The following MSRA variants were observed in gnomAD, a reference collection of about 807,000 sequenced individuals.
MSRA encodes mitochondrial peptide methionine sulfoxide reductase.
In MSRA, 54 loss-of-function variants were observed where a neutral mutation model predicts 31.3. That is an observed-to-expected ratio of 1.73 (90% CI 1.39 to 2.17). The LOEUF (loss-of-function observed/expected upper bound fraction) is 2.17. Among genes scored for constraint, MSRA ranks in the 30% most tolerant of loss-of-function variants. The probability of loss-of-function intolerance (pLI) is 0.00; values close to 1 mark genes in which losing one functional copy is unlikely to be tolerated. For missense variants in MSRA, 507 were observed against 300.9 expected (o/e 1.69, Z -5.07); for synonymous variants, 169 against 116.5 (o/e 1.45, Z -2.90).
intron 1 of MSRA, among the ~76,000 whole-genome samples, chr8:10,125,585 GC>G (rs1801442137): frequency 6.6e-6 from 1 of 152,192 alleles, no homozygotes; most frequent in Non-Finnish European, 1.5e-5. Flanking sequence ...CCTGAACCGG[GC>G]TAAGGAGCTT....
Position 10,307,554 on chromosome 8 carries a change from A to G in MSRA, c.436+5916A>G, listed in dbSNP as rs116358468. 6.3e-3 allele frequency among the ~76,000 whole-genome samples: 963 copies of G among 152,276 alleles called. 9 individuals are homozygous for G. The highest frequency in any genetic ancestry group is 0.021 in the African/African-American group (869 of 41,558). ...CAAATATATTAAAATGCTACCATGG[A>G]TTTAATTATACTTTAAATTGCATGC... On this transcript the variant is annotated intron_variant, in intron 4 of 5. Coordinates refer to ENST00000317173, the MANE Select transcript of MSRA (RefSeq NM_012331.5).
chr8:10,214,551 C>T (rs1456968200), intron 2 of MSRA, among the ~76,000 whole-genome samples: 3 of 143,414 alleles, frequency 2.1e-5, no homozygotes, highest in African/African-American at 5.0e-5. Context: ...CGTATTTCTC[C>T]CTGAATCTTG....
intron 5 of MSRA, among the ~76,000 whole-genome samples, chr8:10,403,272 T>C (rs1329077543): frequency 2.0e-5 from 3 of 152,118 alleles, no homozygotes; most frequent in African/African-American, 7.2e-5. Context: ...AGAAGCAAGG[T>C]GCCTCCCTGA....
chr8:10,401,633 A>G (rs538426413), intron 5 of MSRA, among the ~76,000 whole-genome samples: 1 of 152,232 alleles, frequency 6.6e-6, no homozygotes, highest in South Asian at 2.1e-4. Flanking sequence ...ATTATTTACA[A>G]TAGCCAAAAA....
At chr8:10,323,745 CGTGTGTGTGTGTGTGT>C (rs10643873) in intron 5 of MSRA, among the ~76,000 whole-genome samples, 1 of 142,622 alleles carries the variant, frequency 7.0e-6, no homozygotes, top group African/African-American at 2.6e-5. Context: ...GAATTAAATA[CGTGTGTGTGTGTGTGT>C]GTGTGTGTGT....
chr8:10,428,006 C>T (rs951321148), intron 5 of MSRA, 142 bp from the exon 6 acceptor site: 12 of 781,446 alleles, frequency 1.5e-5, no homozygotes, highest in Admixed American at 3.3e-5. Context: ...ACTTGGAATG[C>T]GGAGAGCCCG....
chr8:10,210,483 C>T (rs867232080), intron 2 of MSRA, among the ~76,000 whole-genome samples: 10 of 152,162 alleles, frequency 6.6e-5, no homozygotes, highest in South Asian at 6.2e-4. Flanking sequence ...CATGCCTTCC[C>T]GGAGTGCTCT....
intron 3 of MSRA, among the ~76,000 whole-genome samples, chr8:10,296,142 A>C (rs1455734618): frequency 6.6e-6 from 1 of 152,194 alleles, no homozygotes; most frequent in Non-Finnish European, 1.5e-5. Flanking sequence ...AGTCTCCAGC[A>C]GAGGAAGCTC....
intron 5 of MSRA, 111 bp downstream of exon 5, chr8:10,320,100 A>G: frequency 1.5e-6 from 1 of 647,668 alleles, no homozygotes; most frequent in South Asian, 2.4e-5. Flanking sequence ...TTTTATTTGC[A>G]CATCTCTTAG....
At chr8:10,098,625 C>G (rs185465523) in intron 1 of MSRA, among the ~76,000 whole-genome samples, 56 of 152,256 alleles carry the variant, frequency 3.7e-4, no homozygotes, top group African/African-American at 1.3e-3. Flanking sequence ...AAAGTATGTT[C>G]ACTTTTCTTG....
chr8:10,155,740 G>T (rs1328620932), intron 1 of MSRA, among the ~76,000 whole-genome samples: 1 of 152,084 alleles, frequency 6.6e-6, no homozygotes, highest in Admixed American at 6.6e-5. Flanking sequence ...AATGATCATG[G>T]ATTATAAGTA....
chr8:10,063,232 C>T (rs1445408307), intron 1 of MSRA, among the ~76,000 whole-genome samples: 1 of 152,200 alleles, frequency 6.6e-6, no homozygotes, highest in Non-Finnish European at 1.5e-5. Flanking sequence ...TTGAGTTGTC[C>T]TTCCTCCCAT....
At chr8:10,138,031 C>G (rs1017198367) in intron 1 of MSRA, among the ~76,000 whole-genome samples, 1 of 152,064 alleles carries the variant, frequency 6.6e-6, no homozygotes, top group Admixed American at 6.6e-5. Flanking sequence ...TGGAATGTGA[C>G]TTAGTTTAGT....
chr8:10,173,587 A>G (rs1298224761), intron 1 of MSRA, among the ~76,000 whole-genome samples: 1 of 152,040 alleles, frequency 6.6e-6, no homozygotes, highest in Non-Finnish European at 1.5e-5. Context: ...TCTCCCTGAC[A>G]CCTCAAACGT....
chr8:10,249,690 C>G (rs1388009010), intron 3 of MSRA, among the ~76,000 whole-genome samples: 1 of 152,142 alleles, frequency 6.6e-6, no homozygotes, highest in African/African-American at 2.4e-5. Flanking sequence ...TCTCTCATGG[C>G]CAGCAGACCT....
At chr8:10,206,544 G>A (rs762974535) in intron 1 of MSRA, among the ~76,000 whole-genome samples, 8 of 152,130 alleles carry the variant, frequency 5.3e-5, no homozygotes, top group Admixed American at 3.3e-4. Context: ...ACCTAGTCTC[G>A]GTCTAAGAGA....
chr8:10,282,456 G>A (rs933369683), intron 3 of MSRA, among the ~76,000 whole-genome samples: 1 of 152,216 alleles, frequency 6.6e-6, no homozygotes, highest in Non-Finnish European at 1.5e-5. Context: ...TCTGTTATCT[G>A]CAAACCTAGC....
At chr8:10,359,850 G>A (rs1804739743) in intron 5 of MSRA, among the ~76,000 whole-genome samples, 1 of 152,162 alleles carries the variant, frequency 6.6e-6, no homozygotes, top group Non-Finnish European at 1.5e-5. Context: ...AGGAGGAGTA[G>A]GTCATGTGGA....
chr8:10,136,172 G>A (rs779968738), intron 1 of MSRA, among the ~76,000 whole-genome samples: 10 of 152,158 alleles, frequency 6.6e-5, no homozygotes, highest in Admixed American at 4.6e-4. Flanking sequence ...TTGCAGTCAC[G>A]CTGGGCACAG....
Sources: gnomAD v4.1 joint callset for allele counts (sites outside exome capture counted in the v4.1 genomes callset) on GRCh38, gnomAD v4.1.1 for gene constraint, MANE v1.5 for transcripts, NCBI Gene and HGNC (gene_info 2026-07-23, HGNC 2026-07-21) for gene names.